Variants in CHAT observed in about 807,000 individuals in gnomAD.
The protein encoded by CHAT is choline O-acetyltransferase.
A neutral mutation model predicts 76.9 loss-of-function variants in CHAT; 61 were observed. The observed-to-expected ratio is 0.79, with a 90% confidence interval of 0.65 to 0.98. The LOEUF is 0.98. Ranked by LOEUF, CHAT falls within the 50% of genes least tolerant of loss-of-function variation. The probability of loss-of-function intolerance (pLI) is 0.00; values close to 1 mark genes in which losing one functional copy is unlikely to be tolerated. For synonymous variants in CHAT, 407 were observed against 397.4 expected (o/e 1.02, Z -0.29); for missense variants, 946 against 986.9 (o/e 0.96, Z 0.56).
At chr10:49,625,405 A>T in intron 5 of CHAT, 68 bp from the exon 6 acceptor site, 1 of 1,480,388 alleles carries the variant, frequency 6.8e-7, no homozygotes, top group Non-Finnish European at 9.3e-7. Flanking sequence ...AATAAAACCC[A>T]TTCTCTGTCT....
chr10:49,610,842 G>A (rs757346271), upstream of CHAT: 2 of 1,611,272 alleles, frequency 1.2e-6, no homozygotes, highest in Non-Finnish European at 1.7e-6. Flanking sequence ...AGAGGCGCCT[G>A]GTGCTTGTTA....
chr10:49,615,641 T>C (rs1473656587), intron 1 of CHAT: 1 of 217,108 alleles, frequency 4.6e-6, no homozygotes, highest in South Asian at 1.3e-4. Context: ...AGTATGTGCC[T>C]GTGGAGGCTT....
chr10:49,613,785 C>T (rs938517747), upstream of CHAT, among the ~76,000 whole-genome samples: 22 of 152,224 alleles, frequency 1.4e-4, no homozygotes, highest in African/African-American at 5.1e-4. Flanking sequence ...AGCACCCCAC[C>T]TCTGCTCCCC....
In CHAT at chr10:49,667,393, G is replaced by A. The variant is rs747234465; in HGVS notation, c.*2347G>A. ...CTCAAACTCATATTTGCTATTCTCC[G>A]AGCACATGGAAAGGTAACTCACTCT... is the stretch of plus-strand genomic sequence containing the variant. On this transcript the variant is annotated 3_prime_UTR_variant, in exon 15 of 15. Transcript: ENST00000337653. 2.6e-5 allele frequency among the ~76,000 whole-genome samples: 4 copies of A among 152,156 alleles called. No homozygotes were observed. The highest frequency in any genetic ancestry group is 4.4e-5 in the Non-Finnish European group (3 of 68,026).
intron 9 of CHAT, 45 bp from the exon 10 acceptor site, chr10:49,649,463 G>A: frequency 1.2e-6 from 2 of 1,613,300 alleles, no homozygotes; most frequent in Non-Finnish European, 1.7e-6. Context: ...GCCTCCCACA[G>A]CTGTCTGGCC....
chr10:49,655,347 C>G, intron 12 of CHAT, 39 bp from the exon 13 acceptor site: 6 of 1,613,494 alleles, frequency 3.7e-6, no homozygotes, highest in East Asian at 2.2e-5. Context: ...CTCCAAGCAG[C>G]CTTTTAAACC....
At position 49,616,567 on chromosome 10, in the gene CHAT, A is replaced by G; in HGVS notation, c.352A>G (p.Lys118Glu). ...GCCCATCCTGGAAAAGGTCCCCCGT[A>G]AGATGGCAGCAAAAACTCCCAGCAG... The part of the protein sequence containing the change: ...KTPILEKVPR[K>E]MAAKTPSSEE... Residue 118 changes from lysine to glutamate, a missense_variant, in exon 2 of 15, where the codon AAG (lysine) becomes GAG (glutamate). Physicochemically the swap from Lys to Glu is moderately conservative, Grantham distance 56. Transcript: ENST00000337653. The G allele has an allele frequency of 6.2e-7, 1 of 1,612,990 alleles. No homozygotes were observed. The highest frequency in any genetic ancestry group is 8.5e-7 in the Non-Finnish European group (1 of 1,179,406).
At chr10:49,656,235 G>A (rs1173465812) in intron 13 of CHAT, among the ~76,000 whole-genome samples, 2 of 147,018 alleles carry the variant, frequency 1.4e-5, no homozygotes, top group Non-Finnish European at 3.0e-5. Flanking sequence ...ATACTTCAGT[G>A]TTTGTTCTAT....
At chr10:49,610,669 C>T, upstream of CHAT, 5 of 1,398,498 alleles carry the variant, frequency 3.6e-6, no homozygotes, top group Non-Finnish European at 4.7e-6. Flanking sequence ...CCCGTGCCCT[C>T]GCCTCTGCAC....
At position 49,665,156 on chromosome 10, in the gene CHAT, G is replaced by A. The variant is rs1484957329; in HGVS notation, c.*110G>A. ...CTTTCCACAGCTCCCTGTCCTCAGG[G>A]TCCAACTCACAGACCATACAGAGAC... is the stretch of plus-strand genomic sequence containing the variant. On this transcript the variant is annotated 3_prime_UTR_variant, in exon 15 of 15. Coordinates refer to ENST00000337653, the MANE Select transcript of CHAT (RefSeq NM_020549.5). The A allele has an allele frequency of 3.3e-6, 4 of 1,218,506 alleles. No individual in the cohort carries two copies. Among genetic ancestry groups the A allele is most frequent in the Admixed American group, 1.7e-5 (1 of 58,358 alleles). 75.5% of individuals were successfully genotyped at this position (1,218,506 alleles called of 1,614,324 possible).
chr10:49,637,459 A>C (rs955426014), intron 7 of CHAT: 2 of 152,192 alleles, frequency 1.3e-5, no homozygotes, highest in African/African-American at 4.8e-5. Context: ...AGGTGATTGG[A>C]TCATGAGAGC....
At chr10:49,649,671 C>T in intron 10 of CHAT, 35 bp downstream of exon 10, 1 of 1,612,128 alleles carries the variant, frequency 6.2e-7, no homozygotes, top group Non-Finnish European at 8.5e-7. Context: ...GAGGGGTCCC[C>T]TAGGGACCAC....
At chr10:49,643,601 G>C (rs75060187) in intron 7 of CHAT, among the ~76,000 whole-genome samples, 1 of 152,178 alleles carries the variant, frequency 6.6e-6, no homozygotes, top group African/African-American at 2.4e-5. Flanking sequence ...AGCCTTGCAA[G>C]GGGGAAGAAG....
At chr10:49,638,731 T>A (rs977312750) in intron 7 of CHAT, among the ~76,000 whole-genome samples, 1 of 152,232 alleles carries the variant, frequency 6.6e-6, no homozygotes, top group African/African-American at 2.4e-5. Flanking sequence ...TTGTTTATAA[T>A]ACACTTGTCT....
intron 1 of CHAT, chr10:49,615,887 C>A (rs969566346): frequency 7.4e-6 from 5 of 678,046 alleles, no homozygotes; most frequent in South Asian, 3.7e-5. Context: ...TAGGTCACAA[C>A]GCCTCCAGCA....
At chr10:49,632,300 G>T (rs765078616) in intron 7 of CHAT, among the ~76,000 whole-genome samples, 1 of 152,202 alleles carries the variant, frequency 6.6e-6, no homozygotes, top group Non-Finnish European at 1.5e-5. Flanking sequence ...GCGCGTAGAG[G>T]ACACATGGCC....
chr10:49,619,680 G>A (rs1460684798), intron 2 of CHAT, 45 bp from the exon 3 acceptor site: 7 of 1,580,104 alleles, frequency 4.4e-6, no homozygotes, highest in Non-Finnish European at 6.0e-6. Flanking sequence ...ACAGGCATGG[G>A]GCGCACATAC....
At chr10:49,613,980 T>G, upstream of CHAT, 2 of 867,558 alleles carry the variant, frequency 2.3e-6, no homozygotes, top group Non-Finnish European at 3.6e-6. Flanking sequence ...CTCTCCAGGA[T>G]TCAGCAGCAG....
chr10:49,629,210 T>G (rs966209120), intron 7 of CHAT, among the ~76,000 whole-genome samples: 7 of 152,264 alleles, frequency 4.6e-5, no homozygotes, highest in African/African-American at 1.7e-4. Flanking sequence ...TTGGTTTAAT[T>G]TCTGAGAAAC....
Sources: gnomAD v4.1 joint callset for allele counts (sites outside exome capture counted in the v4.1 genomes callset) on GRCh38, gnomAD v4.1.1 for gene constraint, MANE v1.5 for transcripts, NCBI Gene and HGNC (gene_info 2026-07-23, HGNC 2026-07-21) for gene names.